PROCR: variants seen among roughly 807,000 people sequenced by gnomAD.
PROCR encodes the protein endothelial protein C receptor.
A neutral mutation model predicts 24.2 loss-of-function variants in PROCR; 22 were observed. The ratio of observed to expected loss-of-function variants is 0.91; its 90% confidence interval spans 0.65 to 1.30. The LOEUF (loss-of-function observed/expected upper bound fraction) is 1.30. Ranked by LOEUF, PROCR falls within the 50% of genes most tolerant of loss-of-function variation. The pLI is 0.00. For synonymous variants in PROCR, 137 were observed against 139.2 expected, an observed-to-expected ratio of 0.98 and a Z score of 0.11; for missense variants, 288 against 307.7, an observed-to-expected ratio of 0.94 and a Z score of 0.48.
intron 1 of PROCR, among the ~76,000 whole-genome samples, chr20:35,208,390 T>A (rs1197290854): frequency 6.6e-6 from 1 of 152,206 alleles, no homozygotes; most frequent in African/African-American, 2.4e-5. Context: ...AATCACATTG[T>A]CTCCTGTTTG....
At chr20:35,195,903 G>C (rs186922072) in intron 1 of PROCR, among the ~76,000 whole-genome samples, 2 of 151,532 alleles carry the variant, frequency 1.3e-5, no homozygotes, top group East Asian at 3.9e-4. Flanking sequence ...AAAATAGTCT[G>C]GGCACAGTGG....
chr20:35,185,804 G>T (rs2086120718), intron 1 of PROCR, among the ~76,000 whole-genome samples: 1 of 152,106 alleles, frequency 6.6e-6, no homozygotes, highest in Non-Finnish European at 1.5e-5. Context: ...TGGGTGACGG[G>T]TGCCACAAAT....
intron 1 of PROCR, 86 bp downstream of exon 1, chr20:35,172,310 T>G (rs2085959300): frequency 2.0e-6 from 3 of 1,467,724 alleles, no homozygotes; most frequent in Admixed American, 1.7e-5. Flanking sequence ...CAGGAGAGCT[T>G]ATCTCACAGC....
At chr20:35,178,672 C>A (rs1433121502), downstream of PROCR, among the ~76,000 whole-genome samples, 3 of 136,150 alleles carry the variant, frequency 2.2e-5, no homozygotes, top group Non-Finnish European at 3.2e-5. Flanking sequence ...CCCGCCACTA[C>A]GCCCGGCTAA....
rs1555792293 is a variant in PROCR, at chr20:35,214,911, T to TTC, written c.95-981_95-980insCT. On this transcript the variant is annotated intron_variant, in intron 1 of 1. Coordinates refer to the PROCR transcript ENST00000634509. The stretch of plus-strand genomic sequence containing the variant: ...TTTACCTCCCATTTTCTTTTTCTTT[T>TTC]TTTTTTTTTTTTTGAGATGGAGTCT... Among the ~76,000 whole-genome samples, 271 of 141,734 alleles carry TTC rather than the reference T, an allele frequency of 1.9e-3. 2 individuals are homozygous for TTC. The highest frequency in any genetic ancestry group is 7.5e-3 in the African/African-American group (266 of 35,640). 93.0% of individuals were successfully genotyped at this position (141,734 alleles called of 152,430 possible).
intron 1 of PROCR, among the ~76,000 whole-genome samples, chr20:35,212,860 T>C (rs2060367377): frequency 6.6e-6 from 1 of 152,250 alleles, no homozygotes; most frequent in Non-Finnish European, 1.5e-5. Flanking sequence ...GTAAACCAAT[T>C]TGTATCTCTT....
At position 35,174,822 on chromosome 20, in the gene PROCR, A is replaced by C. The variant is rs536907991; in HGVS notation, c.191A>C (p.Asn64Thr). 1.2e-6 allele frequency: 2 copies of C among 1,613,938 alleles called. No individual in the cohort carries two copies. Among genetic ancestry groups the C allele is most frequent in the East Asian group, 4.5e-5 (2 of 44,860 alleles). The stretch of plus-strand genomic sequence containing the variant: ...CACGTGCTGGAAGGCCCAGACACCA[A>C]CACCACGATCATTCAGCTGCAGCCC... ...LTHVLEGPDTNTTIIQLQPLQ... is the reference protein window; with the variant it reads ...LTHVLEGPDTTTTIIQLQPLQ... Residue 64 changes from asparagine (N) to threonine (T), a missense_variant, in exon 2 of 4, where the codon AAC (asparagine) becomes ACC (threonine). Asn to Thr is a moderately conservative substitution (Grantham distance 65). Transcript: ENST00000216968.
chr20:35,195,471 G>A (rs1233112119), intron 1 of PROCR: 4 of 152,004 alleles, frequency 2.6e-5, no homozygotes, highest in Non-Finnish European at 4.4e-5. Flanking sequence ...ACTATGTACC[G>A]ATAAAATTTT....
At chr20:35,197,969 T>C (rs1023771521) in intron 1 of PROCR, among the ~76,000 whole-genome samples, 7 of 151,618 alleles carry the variant, frequency 4.6e-5, no homozygotes, top group Admixed American at 6.6e-5. Flanking sequence ...AGCCGAGTTG[T>C]AAATGCAAAG....
At chr20:35,178,728 G>A (rs1242261742), downstream of PROCR, among the ~76,000 whole-genome samples, 4 of 141,544 alleles carry the variant, frequency 2.8e-5, no homozygotes, top group East Asian at 4.3e-4. Context: ...TTTTAGCCGG[G>A]ATGGTCTCGA....
intron 1 of PROCR, among the ~76,000 whole-genome samples, chr20:35,210,565 T>A (rs948718498): frequency 6.6e-6 from 1 of 151,970 alleles, no homozygotes; most frequent in East Asian, 1.9e-4. Context: ...CAAACAAAAA[T>A]ATAGACATAT....
At chr20:35,186,620 G>C (rs952738590) in intron 1 of PROCR, among the ~76,000 whole-genome samples, 3 of 149,986 alleles carry the variant, frequency 2.0e-5, no homozygotes, top group Non-Finnish European at 3.0e-5. Flanking sequence ...CAAAGAACCA[G>C]GTATTATATG....
chr20:35,199,731 T>C (rs1490353704), intron 1 of PROCR, among the ~76,000 whole-genome samples: 3 of 145,492 alleles, frequency 2.1e-5, no homozygotes, highest in Admixed American at 6.9e-5. Context: ...CTGGGCAACA[T>C]AGTGAGACTG....
chr20:35,208,645 C>T (rs1366270344), intron 1 of PROCR, among the ~76,000 whole-genome samples: 1 of 152,162 alleles, frequency 6.6e-6, no homozygotes, highest in Admixed American at 6.5e-5. Context: ...ACTGGAAAGA[C>T]TACGACACTA....
chr20:35,190,161 T>C (rs2086161390), intron 1 of PROCR, among the ~76,000 whole-genome samples: 1 of 152,194 alleles, frequency 6.6e-6, no homozygotes, highest in Non-Finnish European at 1.5e-5. Flanking sequence ...TCTTCTAATA[T>C]CTCTTGGTAT....
chr20:35,186,496 G>A (rs2086127464), intron 1 of PROCR, among the ~76,000 whole-genome samples: 1 of 151,048 alleles, frequency 6.6e-6, no homozygotes, highest in South Asian at 2.1e-4. Context: ...AGCCCAGGAG[G>A]CTGAGGTTGC....
At chr20:35,192,820 T>G (rs1242611648) in intron 1 of PROCR, among the ~76,000 whole-genome samples, 2 of 152,202 alleles carry the variant, frequency 1.3e-5, no homozygotes, top group East Asian at 1.9e-4. Flanking sequence ...GAGATGACAG[T>G]GCTCCTGCTC....
intron 2 of PROCR, among the ~76,000 whole-genome samples, chr20:35,175,775 G>A (rs1187307332): frequency 6.6e-6 from 1 of 151,572 alleles, no homozygotes; most frequent in Non-Finnish European, 1.5e-5. Context: ...TAGTAGAGAC[G>A]GGGTTTCGCC....
At chr20:35,182,562 C>T (rs2086086756) in intron 1 of PROCR, among the ~76,000 whole-genome samples, 1 of 152,102 alleles carries the variant, frequency 6.6e-6, no homozygotes, top group African/African-American at 2.4e-5. Context: ...AGACACAAAA[C>T]GATTAGGATA....
Sources: allele counts gnomAD v4.1 joint callset (sites outside exome capture counted in the v4.1 genomes callset), GRCh38; gene constraint gnomAD v4.1.1; transcripts MANE v1.5; gene names NCBI Gene and HGNC (gene_info 2026-07-23, HGNC 2026-07-21).